NAV2: variants seen among roughly 807,000 people sequenced by gnomAD.
NAV2 encodes neuron navigator 2.
A neutral mutation model predicts 223.2 loss-of-function variants in NAV2; 54 were observed. That is an observed-to-expected ratio of 0.24 (90% CI 0.19 to 0.30). NAV2 has a LOEUF of 0.30. Ranked by LOEUF, NAV2 falls within the 10% of genes least tolerant of loss-of-function variation. The probability of loss-of-function intolerance (pLI) is 1.00; values close to 1 mark genes in which losing one functional copy is unlikely to be tolerated. For missense variants in NAV2, 2,806 were observed against 3,147.5 expected (o/e 0.89, Z 2.60); for synonymous variants, 1,279 against 1,239.3 (o/e 1.03, Z -0.67).
intron 1 of NAV2, among the ~76,000 whole-genome samples, chr11:19,410,494 G>C (rs1441644609): frequency 6.6e-6 from 1 of 152,174 alleles, no homozygotes; most frequent in Non-Finnish European, 1.5e-5. Context: ...ACCTTATCCA[G>C]GGTCACGCAG....
intron 20 of NAV2, 107 bp downstream of exon 20, chr11:20,062,466 A>C: frequency 1.2e-6 from 1 of 809,028 alleles, no homozygotes; most frequent in Non-Finnish European, 2.0e-6. Context: ...AAGCATTTCC[A>C]TTATAAGGGG....
At chr11:20,029,249 G>C (rs2055441608) in intron 11 of NAV2, among the ~76,000 whole-genome samples, 1 of 152,342 alleles carries the variant, frequency 6.6e-6, no homozygotes, top group East Asian at 1.9e-4. Flanking sequence ...GAAGACTGGG[G>C]CCTGGAGAGG....
chr11:19,448,387 G>A (rs1166357848), intron 1 of NAV2, among the ~76,000 whole-genome samples: 1 of 152,206 alleles, frequency 6.6e-6, no homozygotes, highest in African/African-American at 2.4e-5. Context: ...TTTCAAACCT[G>A]AGTGTTACCT....
rs111331692 is a variant in NAV2 at position 19,520,273 on chromosome 11, C to T, written c.75+169246C>T. On this transcript the variant is annotated intron_variant, in intron 1 of 37. Transcript: ENST00000360655. ...CTAGACAACAGCCCAGGAGCTGACACCAGCTCATTTTCAGGCACGCACGGC... is the reference window on the plus strand; with the variant it reads ...CTAGACAACAGCCCAGGAGCTGACATCAGCTCATTTTCAGGCACGCACGGC... 1.5e-3 allele frequency among the ~76,000 whole-genome samples: 223 copies of T among 152,360 alleles called. 2 individuals carry two copies. Among genetic ancestry groups the T allele is most frequent in the African/African-American group, 4.8e-3 (199 of 41,586 alleles).
At chr11:19,365,806 C>T (rs1564880160) in intron 1 of NAV2, among the ~76,000 whole-genome samples, 1 of 152,160 alleles carries the variant, frequency 6.6e-6, no homozygotes, top group African/African-American at 2.4e-5. Context: ...GATACTTAGA[C>T]CCATTTTATA....
In NAV2 at chr11:20,037,951, G is replaced by A. The variant is rs113101664; in HGVS notation, c.2907+1854G>A. 3.9e-3 allele frequency among the ~76,000 whole-genome samples: 592 copies of A among 152,254 alleles called. 1 individual carries two copies. The highest frequency in any genetic ancestry group is 0.013 in the South Asian group (64 of 4,816). ...TGCTCACCCTGCATCTACATATTCA[G>A]GAGGCAGGCTATTAGAGGTACTGCA... On this transcript the variant is annotated intron_variant, in intron 12 of 37. Transcript: ENST00000349880.
chr11:19,433,139 A>T (rs1034997052), intron 1 of NAV2, among the ~76,000 whole-genome samples: 1 of 152,200 alleles, frequency 6.6e-6, no homozygotes, highest in Non-Finnish European at 1.5e-5. Context: ...TCTGTCTTCA[A>T]ATGCCTGAAG....
intron 22 of NAV2, among the ~76,000 whole-genome samples, chr11:20,073,403 TG>T (rs1466987120): frequency 6.6e-6 from 1 of 152,192 alleles, no homozygotes; most frequent in African/African-American, 2.4e-5. Context: ...TTTCTTTTTT[TG>T]TTTTGTCTTT....
chr11:19,518,150 G>A (rs2043518360), intron 1 of NAV2, among the ~76,000 whole-genome samples: 2 of 152,182 alleles, frequency 1.3e-5, no homozygotes, highest in Admixed American at 6.5e-5. Flanking sequence ...CAACTTTCCT[G>A]GATAACAGAC....
intron 1 of NAV2, among the ~76,000 whole-genome samples, chr11:19,820,298 A>G (rs934637050): frequency 2.6e-5 from 4 of 152,244 alleles, no homozygotes; most frequent in African/African-American, 9.6e-5. Flanking sequence ...ATACCAGAGG[A>G]AGCACTTGGA....
In NAV2 at chr11:19,933,819, T is replaced by A; in HGVS notation, c.1575T>A (p.Ser525Arg). 1 of 1,612,674 alleles carries A rather than the reference T, an allele frequency of 6.2e-7. No individual in the cohort carries two copies. The highest frequency in any genetic ancestry group is 8.5e-7 in the Non-Finnish European group (1 of 1,179,680). Residue 525 changes from serine (S) to arginine (R), a missense_variant, in exon 7 of 38, where the codon AGT (serine) becomes AGA (arginine). Ser to Arg is a moderately radical substitution (Grantham distance 110, BLOSUM62 -1). This residue lies in a region of NAV2 where 1,167 missense variants were observed against 1,180.5 expected (regional missense o/e 0.99). Transcript: ENST00000349880. The surrounding 1 kb of genome is among the most constrained non-coding windows in gnomAD (Gnocchi z 4.3). The stretch of plus-strand genomic sequence containing the variant: ...AGGAGGAGCCAAAAGAAGACCCCAG[T>A]GGAGCAGCTGTGCCCGAGATGCCAA... ...DLKEEPKEDP[S>R]GAAVPEMPKK...
chr11:19,934,559 A>G (rs1401008313), intron 7 of NAV2, among the ~76,000 whole-genome samples: 1 of 152,206 alleles, frequency 6.6e-6, no homozygotes, highest in Non-Finnish European at 1.5e-5. Flanking sequence ...CAGGCCTTGT[A>G]GCAGCAGCTT....
chr11:19,633,378 G>A (rs1331862252), intron 1 of NAV2, among the ~76,000 whole-genome samples: 1 of 152,272 alleles, frequency 6.6e-6, no homozygotes, highest in Non-Finnish European at 1.5e-5. Flanking sequence ...GTCCTTACCT[G>A]CCAACAGGGC....
upstream of NAV2, among the ~76,000 whole-genome samples, chr11:19,347,448 A>G (rs956090873): frequency 1.3e-5 from 2 of 152,110 alleles, no homozygotes; most frequent in Non-Finnish European, 2.9e-5. Context: ...GGTTGCCCAG[A>G]GGAAGAAGGA....
In NAV2 at chr11:20,030,256, G is replaced by A. The variant is rs1038813229; in HGVS notation, c.2769-5703G>A. Among the ~76,000 whole-genome samples the A allele has an allele frequency of 6.6e-5, 10 of 152,332 alleles. No individual in the cohort carries two copies. The East Asian group carries it at 1.3e-3, about 21-fold the overall frequency. On this transcript the variant is annotated intron_variant, in intron 11 of 37. Transcript: ENST00000349880. ...CCTGGTGAGGAGAGAAGATGCCATC[G>A]TGGGTTCATTTATTCTTCTAGTCAT...
chr11:19,391,648 T>C (rs1849252853), intron 1 of NAV2, among the ~76,000 whole-genome samples: 1 of 152,110 alleles, frequency 6.6e-6, no homozygotes, highest in African/African-American at 2.4e-5. Flanking sequence ...AAAGTTATAG[T>C]TCTTTTAATG....
chr11:19,567,522 A>T lies in NAV2; in HGVS notation c.75+216495A>T, dbSNP rs190329710. ...GTGATTTGCCCCAGGTCACACAACT[A>T]GTAAGTGGCTGAACAGGGCATTAAT... On this transcript the variant is annotated intron_variant, in intron 1 of 37. Coordinates refer to the NAV2 transcript ENST00000360655. 3.9e-3 allele frequency among the ~76,000 whole-genome samples: 591 copies of T among 152,294 alleles called. 15 individuals are homozygous for T. Among genetic ancestry groups the T allele is most frequent in the Non-Finnish European group, 7.2e-4 (49 of 68,034 alleles).
chr11:19,467,016 CACAGAGAG>C (rs1387968938), intron 1 of NAV2, among the ~76,000 whole-genome samples: 93 of 88,966 alleles, frequency 1.0e-3, no homozygotes, highest in Middle Eastern at 5.4e-3. Flanking sequence ...CACACACACA[CACAGAGAG>C]AGAGAGAGAG....
At chr11:19,367,813 C>A (rs17508432) in intron 1 of NAV2, among the ~76,000 whole-genome samples, 3,292 of 152,308 alleles carry the variant, frequency 0.022, 47 homozygotes, top group Non-Finnish European at 0.034. Context: ...TGGCTGACAT[C>A]CTCACAAGGA....
Sources: allele counts gnomAD v4.1 joint callset (sites outside exome capture counted in the v4.1 genomes callset), GRCh38; gene constraint gnomAD v4.1.1; regional missense constraint gnomAD v4.1.1; non-coding constraint Gnocchi (gnomAD v3.1); transcripts MANE v1.5; gene names NCBI Gene and HGNC (gene_info 2026-07-23, HGNC 2026-07-21).